Variants in ROBO1 observed in about 807,000 individuals in gnomAD.
ROBO1 encodes the protein roundabout guidance receptor 1.
A neutral mutation model predicts 195.9 loss-of-function variants in ROBO1; 149 were observed. The observed-to-expected ratio is 0.76, with a 90% CI of 0.67 to 0.87. ROBO1 has a LOEUF of 0.87. ROBO1 is among the 40% of genes least tolerant of loss of function. The pLI is 0.00. For missense variants in ROBO1, 1,933 were observed against 2,068.3 expected, an observed-to-expected ratio of 0.93 and a Z score of 1.27; for synonymous variants, 816 against 733.2, an observed-to-expected ratio of 1.11 and a Z score of -1.82.
intron 2 of ROBO1, among the ~76,000 whole-genome samples, chr3:79,497,358 C>T (rs978541215): frequency 2.0e-5 from 3 of 152,140 alleles, no homozygotes; most frequent in Admixed American, 6.5e-5. Context: ...AACTCCTTAA[C>T]ATATTTATAC....
chr3:79,079,553 A>G (rs1186676257), intron 3 of ROBO1, among the ~76,000 whole-genome samples: 1 of 151,876 alleles, frequency 6.6e-6, no homozygotes, highest in African/African-American at 2.4e-5. Flanking sequence ...GGGCAAATGG[A>G]GAACAAAATT....
intron 2 of ROBO1, among the ~76,000 whole-genome samples, chr3:79,180,189 T>A (rs1308457689): frequency 6.6e-6 from 1 of 152,210 alleles, no homozygotes; most frequent in Non-Finnish European, 1.5e-5. Flanking sequence ...TAGCACAGCA[T>A]ACAAGGTCGT....
intron 1 of ROBO1, among the ~76,000 whole-genome samples, chr3:79,755,443 C>T (rs529122800): frequency 5.3e-5 from 8 of 152,192 alleles, no homozygotes; most frequent in African/African-American, 1.7e-4. Context: ...AAAACCCTCA[C>T]AGCTCATGCC....
At chr3:78,722,582 A>G (rs1356753030) in intron 5 of ROBO1, among the ~76,000 whole-genome samples, 1 of 152,168 alleles carries the variant, frequency 6.6e-6, no homozygotes, top group Non-Finnish European at 1.5e-5. Flanking sequence ...TCAATGACTA[A>G]ATAAGGTCAA....
At chr3:78,722,510 A>C (rs1460968181) in intron 5 of ROBO1, among the ~76,000 whole-genome samples, 1 of 152,132 alleles carries the variant, frequency 6.6e-6, no homozygotes, top group Admixed American at 6.5e-5. Flanking sequence ...AAAATATAAC[A>C]TTTGCAAAAC....
intron 27 of ROBO1, among the ~76,000 whole-genome samples, chr3:78,616,232 ATACT>A (rs1464341148): frequency 6.6e-6 from 1 of 152,164 alleles, no homozygotes; most frequent in Non-Finnish European, 1.5e-5. Context: ...GTGGTTTGAG[ATACT>A]TAATTTCACC....
At chr3:79,204,403 G>T (rs893723218) in intron 2 of ROBO1, among the ~76,000 whole-genome samples, 1 of 151,780 alleles carries the variant, frequency 6.6e-6, no homozygotes, top group African/African-American at 2.4e-5. Context: ...CTCTAATGAG[G>T]TATTCTTTAG....
intron 2 of ROBO1, among the ~76,000 whole-genome samples, chr3:79,589,207 T>C (rs1435279603): frequency 6.6e-6 from 1 of 151,680 alleles, no homozygotes; most frequent in African/African-American, 2.4e-5. Context: ...TCTGCTACCA[T>C]ACATTGGACC....
intron 2 of ROBO1, among the ~76,000 whole-genome samples, chr3:79,368,825 C>A (rs2109329672): frequency 6.6e-6 from 1 of 152,186 alleles, no homozygotes; most frequent in African/African-American, 2.4e-5. Context: ...GCAGGCGGGA[C>A]CTGCTTTTAG....
chr3:78,606,698 A>G (rs772019125), intron 29 of ROBO1, 35 bp downstream of exon 29: 5 of 1,596,740 alleles, frequency 3.1e-6, no homozygotes, highest in South Asian at 1.1e-5. Context: ...AACACACTCA[A>G]TCTGTATTTA....
chr3:79,056,690 G>A (rs550682587), intron 3 of ROBO1, among the ~76,000 whole-genome samples: 15 of 152,098 alleles, frequency 9.9e-5, no homozygotes, highest in South Asian at 6.2e-4. Context: ...ACCCTGAGGC[G>A]TCACTAGAAC....
At chr3:79,137,048 C>G (rs1019434483) in intron 2 of ROBO1, among the ~76,000 whole-genome samples, 9 of 152,172 alleles carry the variant, frequency 5.9e-5, no homozygotes, top group African/African-American at 2.2e-4. Flanking sequence ...TTACAATCAT[C>G]TCCAATGTTG....
chr3:79,374,057 A>G (rs983811932), intron 2 of ROBO1, among the ~76,000 whole-genome samples: 11 of 152,206 alleles, frequency 7.2e-5, no homozygotes, highest in Admixed American at 6.5e-4. Context: ...AGTTAACTGC[A>G]TAAGAACTAC....
intron 4 of ROBO1, among the ~76,000 whole-genome samples, chr3:78,799,763 C>A (rs1422106706): frequency 6.6e-6 from 1 of 152,106 alleles, no homozygotes; most frequent in Non-Finnish European, 1.5e-5. Context: ...TTATCATTTC[C>A]TTCACTCAAG....
intron 4 of ROBO1, among the ~76,000 whole-genome samples, chr3:78,842,906 C>T (rs1014161290): frequency 4.0e-5 from 6 of 151,670 alleles, no homozygotes; most frequent in Non-Finnish European, 8.8e-5. Context: ...GACATTTATA[C>T]CAGATTATTC....
chr3:78,824,275 A>G (rs755554110), intron 4 of ROBO1, among the ~76,000 whole-genome samples: 2 of 152,168 alleles, frequency 1.3e-5, no homozygotes, highest in Non-Finnish European at 2.9e-5. Flanking sequence ...GGTTTTTGCA[A>G]TTGAAAGTAA....
intron 4 of ROBO1, among the ~76,000 whole-genome samples, chr3:78,851,483 G>A (rs77934473): frequency 0.032 from 4,854 of 152,210 alleles, 126 homozygotes; most frequent in African/African-American, 0.075. Flanking sequence ...TCATCACAGA[G>A]TAGCTGTGGA....
chr3:79,435,469 G>A (rs1310272243), intron 2 of ROBO1, among the ~76,000 whole-genome samples: 39 of 152,082 alleles, frequency 2.6e-4, no homozygotes, highest in Admixed American at 2.5e-3. Flanking sequence ...TATTCATTTT[G>A]AGCCTACCAG....
chr3:78,798,846 T>G (rs1043003127), intron 4 of ROBO1, among the ~76,000 whole-genome samples: 4 of 152,284 alleles, frequency 2.6e-5, no homozygotes, highest in Middle Eastern at 3.4e-3. Context: ...TCATGGGAAT[T>G]TATTTAGTAG....
Sources: gnomAD v4.1 joint callset for allele counts (sites outside exome capture counted in the v4.1 genomes callset) on GRCh38, gnomAD v4.1.1 for gene constraint, MANE v1.5 for transcripts, NCBI Gene and HGNC (gene_info 2026-07-23, HGNC 2026-07-21) for gene names.